FTO: variants seen among roughly 807,000 people sequenced by gnomAD.
FTO encodes the protein FTO alpha-ketoglutarate dependent dioxygenase, also known as alpha-ketoglutarate-dependent dioxygenase FTO.
FTO carries 47 observed loss-of-function variants against 63.9 expected under a neutral mutation model. The ratio of observed to expected loss-of-function variants is 0.74; its 90% CI spans 0.58 to 0.94. The LOEUF (loss-of-function observed/expected upper bound fraction) is 0.94, where lower values mean the gene tolerates loss of function less well. FTO is among the 40% of genes least tolerant of loss of function. The pLI is 0.00. For synonymous variants in FTO, 207 were observed against 224.4 expected (o/e 0.92, Z 0.69); for missense variants, 562 against 618.1 (o/e 0.91, Z 0.96).
At chr16:53,940,474 G>A (rs2082502205) in intron 8 of FTO, among the ~76,000 whole-genome samples, 1 of 152,008 alleles carries the variant, frequency 6.6e-6, no homozygotes, top group Admixed American at 6.6e-5. Context: ...TTTGCATGTG[G>A]CCCCACTTAT....
intron 8 of FTO, among the ~76,000 whole-genome samples, chr16:53,995,392 C>T (rs11864881): frequency 2.8e-4 from 42 of 152,056 alleles, no homozygotes; most frequent in Middle Eastern, 3.4e-3. Flanking sequence ...AAAAGTCATT[C>T]GTCAGCCCAC....
chr16:54,027,556 C>T (rs2084742714), intron 8 of FTO, among the ~76,000 whole-genome samples: 1 of 148,426 alleles, frequency 6.7e-6, no homozygotes, highest in Non-Finnish European at 1.5e-5. Context: ...TCACTTTACT[C>T]CCTAAAGATT....
intron 8 of FTO, among the ~76,000 whole-genome samples, chr16:54,080,991 C>T (rs1258297594): frequency 1.3e-5 from 2 of 152,194 alleles, no homozygotes; most frequent in East Asian, 1.9e-4. Context: ...AGCAAAACCC[C>T]GTGTCCCCTA....
chr16:53,967,089 CT>C (rs1567481075), intron 8 of FTO, among the ~76,000 whole-genome samples: 1 of 152,182 alleles, frequency 6.6e-6, no homozygotes, highest in African/African-American at 2.4e-5. Flanking sequence ...TAAAATTCCG[CT>C]GCGCAGTGGT....
chr16:54,088,928 A>T (rs1240883387), intron 8 of FTO, among the ~76,000 whole-genome samples: 1 of 152,244 alleles, frequency 6.6e-6, no homozygotes, highest in African/African-American at 2.4e-5. Context: ...CAATCAGGAT[A>T]TGCATACATG....
chr16:53,980,039 G>T (rs138731450), intron 8 of FTO, among the ~76,000 whole-genome samples: 272 of 152,326 alleles, frequency 1.8e-3, no homozygotes, highest in Middle Eastern at 6.8e-3. Context: ...TTCTTGCCAT[G>T]AAGCGAACCA....
At chr16:54,064,333 A>C (rs1443227959) in intron 8 of FTO, among the ~76,000 whole-genome samples, 1 of 152,144 alleles carries the variant, frequency 6.6e-6, no homozygotes. Context: ...TTAGTTTATC[A>C]TTTTGTGAGA....
At chr16:53,795,953 C>T (rs763094657) in intron 1 of FTO, among the ~76,000 whole-genome samples, 2 of 151,876 alleles carry the variant, frequency 1.3e-5, no homozygotes, top group Non-Finnish European at 2.9e-5. Flanking sequence ...AGTTACCATC[C>T]ATGGAATCTC....
chr16:53,770,086 G>A (rs1400860255), intron 1 of FTO, among the ~76,000 whole-genome samples: 3 of 152,042 alleles, frequency 2.0e-5, no homozygotes, highest in African/African-American at 7.2e-5. Flanking sequence ...CTCTAAAAAT[G>A]TATGAGACTT....
At chr16:53,727,912 T>G (rs2076186957) in intron 1 of FTO, among the ~76,000 whole-genome samples, 1 of 152,178 alleles carries the variant, frequency 6.6e-6, no homozygotes, top group Non-Finnish European at 1.5e-5. Flanking sequence ...TTTTATCCTT[T>G]TCTTTTACAT....
At chr16:54,110,254 C>T (rs2086852338) in intron 8 of FTO, among the ~76,000 whole-genome samples, 1 of 152,138 alleles carries the variant, frequency 6.6e-6, no homozygotes, top group Admixed American at 6.5e-5. Context: ...AATATTTATG[C>T]TAAGAGGATT....
In FTO at chr16:53,837,929, C is replaced by T. The variant is rs74585535; in HGVS notation, c.752-6226C>T. Among the ~76,000 whole-genome samples the T allele has an allele frequency of 6.4e-3, 975 of 152,264 alleles. 8 individuals carry two copies. The highest frequency in any genetic ancestry group is 0.023 in the African/African-American group (937 of 41,530). ...TTTCCTATGGTTCATAAACCCATGT[C>T]CTGGTCTCCACCCACCTCTCCAGGC... On this transcript the variant is annotated intron_variant, in intron 3 of 8. Coordinates refer to ENST00000471389, the MANE Select transcript of FTO (RefSeq NM_001080432.3).
intron 7 of FTO, among the ~76,000 whole-genome samples, chr16:53,905,668 A>G (rs1323285494): frequency 6.6e-6 from 1 of 152,030 alleles, no homozygotes; most frequent in Non-Finnish European, 1.5e-5. Flanking sequence ...TCCTGAGAGT[A>G]TTTATCACTG....
At chr16:53,907,564 T>C (rs1393748659) in intron 7 of FTO, among the ~76,000 whole-genome samples, 1 of 152,178 alleles carries the variant, frequency 6.6e-6, no homozygotes, top group Non-Finnish European at 1.5e-5. Flanking sequence ...GTTGAAAAAT[T>C]GTAAGTCAGA....
At chr16:53,905,566 G>A (rs2081515254) in intron 7 of FTO, among the ~76,000 whole-genome samples, 1 of 152,116 alleles carries the variant, frequency 6.6e-6, no homozygotes, top group Non-Finnish European at 1.5e-5. Context: ...TCTTAGGTTT[G>A]TGCATATGTA....
chr16:54,083,957 A>C (rs2086206357), intron 8 of FTO, among the ~76,000 whole-genome samples: 1 of 152,210 alleles, frequency 6.6e-6, no homozygotes, highest in African/African-American at 2.4e-5. Context: ...CTAATCCAAA[A>C]TCTGAAATCC....
intron 1 of FTO, among the ~76,000 whole-genome samples, chr16:53,752,942 T>C (rs1052774449): frequency 1.3e-5 from 2 of 150,110 alleles, no homozygotes; most frequent in African/African-American, 4.9e-5. Flanking sequence ...TTTTAAAGAA[T>C]CCTTCGTTGA....
chr16:53,954,538 A>G (rs1304178284), intron 8 of FTO, among the ~76,000 whole-genome samples: 1 of 152,196 alleles, frequency 6.6e-6, no homozygotes, highest in African/African-American at 2.4e-5. Flanking sequence ...AAAGAAGGTC[A>G]AAGGGAAGTG....
Position 53,826,304 on chromosome 16 carries a change from A to G in FTO, c.564A>G (p.Gln188=). The G allele has an allele frequency of 6.2e-7, 1 of 1,614,172 alleles. No homozygotes were observed. The highest frequency in any genetic ancestry group is 8.5e-7 in the Non-Finnish European group (1 of 1,179,982). The change falls in exon 3 of 9, where the codon CAA becomes CAG. Residue 188 remains glutamine, a synonymous_variant. Transcript: ENST00000471389. ...GGATGGGTTCATCCTACAACGGACA[A>G]GATGAAGTGGACATTAAGAGCAGAG... ...RVGMGSSYNG[Q]DEVDIKSRAA... is the part of the protein sequence containing the mutation.
Sources: allele counts gnomAD v4.1 joint callset (sites outside exome capture counted in the v4.1 genomes callset), GRCh38; gene constraint gnomAD v4.1.1; transcripts MANE v1.5; gene names NCBI Gene and HGNC (gene_info 2026-07-23, HGNC 2026-07-21).